The following GDF1 variants were observed in gnomAD, a reference collection of about 807,000 sequenced individuals.
GDF1 encodes the protein embryonic growth/differentiation factor 1.
GDF1 carries 8 observed loss-of-function variants against 7.4 expected under a neutral mutation model. The observed-to-expected ratio is 1.09, with a 90% CI of 0.64 to 1.96. GDF1 has a LOEUF of 1.96. GDF1 is among the 30% of genes most tolerant of loss of function. The probability of loss-of-function intolerance (pLI) is 0.00; values close to 1 mark genes in which losing one functional copy is unlikely to be tolerated. For missense variants in GDF1, 574 were observed against 551.5 expected (o/e 1.04, Z -0.41); for synonymous variants, 311 against 276.7 (o/e 1.12, Z -1.23).
At chr19:18,871,422 A>G (rs1011187221) in intron 6 of GDF1, among the ~76,000 whole-genome samples, 4 of 151,364 alleles carry the variant, frequency 2.6e-5, no homozygotes, top group Non-Finnish European at 4.4e-5. Context: ...GGGTTTCACC[A>G]TATCACCCAA....
At chr19:18,885,482 C>T (rs1038012520) in intron 2 of GDF1, among the ~76,000 whole-genome samples, 1 of 151,110 alleles carries the variant, frequency 6.6e-6, no homozygotes, top group African/African-American at 2.4e-5. Context: ...CAGGGATGAG[C>T]CACCTCACCC....
rs1465323314 is a variant in GDF1 at position 18,870,494 on chromosome 19, G to C, written c.-187C>G. 6 of 564,360 alleles carry C rather than the reference G, an allele frequency of 1.1e-5. No homozygotes were observed. Among genetic ancestry groups the C allele is most frequent in the East Asian group, 9.9e-5 (3 of 30,412 alleles). 35.0% of individuals were successfully genotyped at this position (564,360 alleles called of 1,614,324 possible). ...CGGCCCTAGAGGAGCAGAGTTGGAG[G>C]GGGTGGAGGGGCGGCCAAGGACGGG... On this transcript the variant is annotated 5_prime_UTR_variant, in exon 7 of 8. Transcript: ENST00000247005. The surrounding 1 kb of genome is among the most constrained non-coding windows in gnomAD (Gnocchi z 5.1).
intron 2 of GDF1, among the ~76,000 whole-genome samples, chr19:18,891,061 T>C (rs1257693282): frequency 5.9e-5 from 9 of 151,588 alleles, no homozygotes; most frequent in African/African-American, 1.5e-4. Context: ...GAGGTGGAGA[T>C]TGCAGTGAGC....
intron 2 of GDF1, among the ~76,000 whole-genome samples, chr19:18,889,343 C>T (rs12974421): frequency 0.46 from 69,927 of 151,542 alleles, 16,619 homozygotes; most frequent in African/African-American, 0.56. Flanking sequence ...CCAACAGAGG[C>T]CCCCCAACCG....
intron 2 of GDF1, among the ~76,000 whole-genome samples, chr19:18,885,501 G>A (rs1601175180): frequency 1.5e-5 from 2 of 136,264 alleles, no homozygotes; most frequent in African/African-American, 2.9e-5. Context: ...CCAGCCCAGC[G>A]CCCCTTCTCG....
In GDF1 at chr19:18,891,692, C is replaced by T. The variant is rs538929792; in HGVS notation, c.-914+1724G>A. Among the ~76,000 whole-genome samples the T allele has an allele frequency of 1.1e-3, 172 of 152,096 alleles. 1 individual carries two copies. Among genetic ancestry groups the T allele is most frequent in the Non-Finnish European group, 2.1e-3 (144 of 68,006 alleles). On this transcript the variant is annotated intron_variant, in intron 2 of 7. Coordinates refer to ENST00000247005, the MANE Select transcript of GDF1 (RefSeq NM_001492.6). Reference sequence around the variant, plus strand: ...TACCGGGTTCAAGCAATTCTCCCACCTCAGCCTCCCAAGTAGCTGGTACTA... The same window carrying T: ...TACCGGGTTCAAGCAATTCTCCCACTTCAGCCTCCCAAGTAGCTGGTACTA...
intron 2 of GDF1, among the ~76,000 whole-genome samples, chr19:18,884,630 A>G (rs947429276): frequency 4.1e-5 from 6 of 147,250 alleles, no homozygotes; most frequent in African/African-American, 1.0e-4. Context: ...GATGGTCTCG[A>G]TCTCCTGACC....
At chr19:18,879,458 C>A in intron 4 of GDF1, 70 bp from the exon 5 acceptor site, 3 of 1,509,698 alleles carry the variant, frequency 2.0e-6, no homozygotes, top group Non-Finnish European at 2.7e-6. Context: ...TGTCCTATCC[C>A]GTCCTAGACC....
intron 3 of GDF1, 133 bp downstream of exon 3, chr19:18,883,954 T>A (rs558313176): frequency 1.0e-6 from 1 of 958,092 alleles, no homozygotes; most frequent in East Asian, 2.7e-5. Context: ...CTGAGCACTC[T>A]GACCTTGGAA....
At chr19:18,893,306 C>T in intron 2 of GDF1, 110 bp downstream of exon 2, 1 of 1,293,028 alleles carries the variant, frequency 7.7e-7, no homozygotes, top group South Asian at 1.5e-5. Flanking sequence ...CCTCCAACTC[C>T]TGGGCTCCAG....
rs915382517 is a variant in GDF1, at chr19:18,893,665, C to G, written c.-1073-90G>C. On this transcript the variant is annotated intron_variant, in intron 1 of 7. Transcript: ENST00000247005. The stretch of plus-strand genomic sequence containing the variant: ...GGGGAAACTGAGGCCCAGGGACTCC[C>G]CAGGCCGGGCAGCACTGGGAAGGCC... 51 of 1,346,884 alleles carry G rather than the reference C, an allele frequency of 3.8e-5. 1 individual carries two copies. Among genetic ancestry groups the G allele is most frequent in the Middle Eastern group, 2.5e-4 (1 of 3,956 alleles). The allele number at this position is 1,346,884 out of a possible 1,614,324, so 83.4% of individuals were successfully genotyped here.
At chr19:18,888,146 G>A (rs2056404803) in intron 2 of GDF1, among the ~76,000 whole-genome samples, 1 of 151,882 alleles carries the variant, frequency 6.6e-6, no homozygotes, top group Admixed American at 6.6e-5. Flanking sequence ...GATCACTTGA[G>A]GTCAGAAGTT....
intron 5 of GDF1, 74 bp from the exon 6 acceptor site, chr19:18,879,113 C>A: frequency 6.3e-7 from 1 of 1,587,032 alleles, no homozygotes; most frequent in South Asian, 1.1e-5. Flanking sequence ...CCATGTGCTC[C>A]TGTCCCGGGC....
At chr19:18,884,038 C>CTCTGTG (rs2056283997) in intron 3 of GDF1, 49 bp downstream of exon 3, 2 of 1,577,846 alleles carry the variant, frequency 1.3e-6, no homozygotes, top group African/African-American at 1.3e-5. Context: ...AGCCTCCGCA[C>CTCTGTG]TCTGTGTGGG....
rs981081884 is a variant in GDF1 at position 18,878,222 on chromosome 19, G to A, written c.-313+708C>T. 169 of 985,384 alleles carry A rather than the reference G, an allele frequency of 1.7e-4. No homozygotes were observed. Among genetic ancestry groups the A allele is most frequent in the Non-Finnish European group, 1.3e-4 (107 of 830,150 alleles). The allele number at this position is 985,384 out of a possible 1,614,324, so 61.0% of individuals were successfully genotyped here. A position where few individuals can be genotyped will look rare whatever the true frequency, so the allele number is the denominator to read the frequency against. On this transcript the variant is annotated intron_variant, in intron 6 of 7. Coordinates refer to ENST00000247005, the MANE Select transcript of GDF1 (RefSeq NM_001492.6). This position sits in a 1 kb window ranked among gnomAD's most constrained non-coding sequence, Gnocchi z 4.6. Reference sequence around the variant, plus strand: ...CGGCTCCTGCTCAAACACTCCTCACGTTGCCTATGAGACACTGCACACCCG... The same window carrying A: ...CGGCTCCTGCTCAAACACTCCTCACATTGCCTATGAGACACTGCACACCCG...
At position 18,880,291 on chromosome 19, in the gene GDF1, G is replaced by A. The variant is rs1489727248; in HGVS notation, c.-588C>T. ...CCACTCACCAGCTGAAGCCGAAGCTGAGGCAGCCCAAGTCTGCTGCCAAGG... is the reference window on the plus strand; with the variant it reads ...CCACTCACCAGCTGAAGCCGAAGCTAAGGCAGCCCAAGTCTGCTGCCAAGG... On this transcript the variant is annotated 5_prime_UTR_variant, in exon 4 of 8. Coordinates refer to ENST00000247005, the MANE Select transcript of GDF1 (RefSeq NM_001492.6). 4 of 1,551,514 alleles carry A rather than the reference G, an allele frequency of 2.6e-6. No homozygotes were observed. Among genetic ancestry groups the A allele is most frequent in the Admixed American group, 2.0e-5 (1 of 51,102 alleles).
intron 6 of GDF1, among the ~76,000 whole-genome samples, chr19:18,877,508 T>C (rs2056079747): frequency 6.6e-6 from 1 of 152,092 alleles, no homozygotes; most frequent in Non-Finnish European, 1.5e-5. Context: ...CCCAGCAGCT[T>C]TGGGAGGCTA....
At chr19:18,889,728 C>A (rs1035873721) in intron 2 of GDF1, among the ~76,000 whole-genome samples, 1 of 152,108 alleles carries the variant, frequency 6.6e-6, no homozygotes, top group Admixed American at 6.5e-5. Context: ...CCGCACCTGG[C>A]CTGTCCCACC....
chr19:18,871,018 G>A (rs571800157), intron 6 of GDF1, among the ~76,000 whole-genome samples: 1 of 151,914 alleles, frequency 6.6e-6, no homozygotes, highest in Admixed American at 6.6e-5. Flanking sequence ...CCCCACGAAG[G>A]CTAGTCCTTG....
Sources: allele counts gnomAD v4.1 joint callset (sites outside exome capture counted in the v4.1 genomes callset), GRCh38; gene constraint gnomAD v4.1.1; non-coding constraint Gnocchi (gnomAD v3.1); transcripts MANE v1.5; gene names NCBI Gene and HGNC (gene_info 2026-07-23, HGNC 2026-07-21).